Variants in RUFY1 observed in about 807,000 individuals in gnomAD.
RUFY1 encodes the protein RUN and FYVE domain containing 1.
In RUFY1, 54 loss-of-function variants were observed where a neutral mutation model predicts 94.6. That is an observed-to-expected ratio of 0.57 (90% CI 0.46 to 0.72). The LOEUF (loss-of-function observed/expected upper bound fraction) is 0.72. Ranked by LOEUF, RUFY1 falls within the 30% of genes least tolerant of loss-of-function variation. RUFY1 has a pLI of 0.00. For missense variants in RUFY1, 883 were observed against 883.9 expected (o/e 1.00, Z 0.01); for synonymous variants, 396 against 347.3 (o/e 1.14, Z -1.56).
intron 8 of RUFY1, chr5:179,589,251 T>C: frequency 2.9e-6 from 1 of 341,150 alleles, no homozygotes; most frequent in South Asian, 3.2e-5. Flanking sequence ...TTTCTAATTT[T>C]TTGTGTCTAT....
chr5:179,588,046 G>T (rs1764753229), intron 8 of RUFY1, among the ~76,000 whole-genome samples: 1 of 152,148 alleles, frequency 6.6e-6, no homozygotes, highest in Non-Finnish European at 1.5e-5. Flanking sequence ...CCTCTTCAGG[G>T]TGTGCTCTCT....
chr5:179,593,824 G>C (rs912985394), intron 11 of RUFY1, among the ~76,000 whole-genome samples, 179 bp downstream of exon 11: 2 of 152,208 alleles, frequency 1.3e-5, no homozygotes, highest in African/African-American at 4.8e-5. Context: ...GGGGGGAAAT[G>C]TAAGTGACAA....
chr5:179,580,235 G>GTATA (rs1483008914), intron 6 of RUFY1, among the ~76,000 whole-genome samples: 14 of 53,424 alleles, frequency 2.6e-4, no homozygotes, highest in Admixed American at 2.1e-3. Context: ...GTGTGTGTGT[G>GTATA]TGTGTGTATA....
At chr5:179,589,199 A>G (rs1056805594) in intron 8 of RUFY1, among the ~76,000 whole-genome samples, 1 of 152,082 alleles carries the variant, frequency 6.6e-6, no homozygotes, top group Non-Finnish European at 1.5e-5. Flanking sequence ...TTATGCTTCC[A>G]CTATGATGTA....
At chr5:179,593,208 G>C (rs1765255748) in intron 10 of RUFY1, among the ~76,000 whole-genome samples, 1 of 152,184 alleles carries the variant, frequency 6.6e-6, no homozygotes, top group African/African-American at 2.4e-5. Context: ...CCTGAGAGTA[G>C]CTGGGATTAC....
intron 10 of RUFY1, 126 bp downstream of exon 10, chr5:179,591,867 A>AT (rs1765138491): frequency 1.8e-6 from 1 of 564,928 alleles, no homozygotes; most frequent in African/African-American, 1.9e-5. Flanking sequence ...TCATTAAAAA[A>AT]ATTTTTTTTA....
At position 179,596,651 on chromosome 5, in the gene RUFY1, A is replaced by G; in HGVS notation, c.1601A>G (p.Gln534Arg). 6.2e-7 allele frequency: 1 copy of G among 1,608,958 alleles called. No homozygotes were observed. Among genetic ancestry groups the G allele is most frequent in the East Asian group, 2.2e-5 (1 of 44,848 alleles). The change falls in exon 13 of 18, where the codon CAG (glutamine) becomes CGG (arginine). Residue 534 changes from glutamine (Q) to arginine (R), a missense_variant. Transcript: ENST00000319449. ...QELGGRIGAL[Q>R]LQLSQLHEQC... Reference sequence around the variant, plus strand: ...CTGGGCGGGAGGATCGGCGCCCTGCAGCTGCAGCTCTCCCAGCTGCACGAG... The same window carrying G: ...CTGGGCGGGAGGATCGGCGCCCTGCGGCTGCAGCTCTCCCAGCTGCACGAG...
chr5:179,555,902 A>T (rs1352044595), intron 1 of RUFY1: 1 of 215,852 alleles, frequency 4.6e-6, no homozygotes, highest in Admixed American at 5.6e-5. Context: ...CTGGTCTCAA[A>T]CTCCTGACCT....
intron 15 of RUFY1, among the ~76,000 whole-genome samples, chr5:179,604,784 C>T (rs1451275822): frequency 1.3e-5 from 2 of 151,818 alleles, no homozygotes; most frequent in South Asian, 2.1e-4. Context: ...GAGTTCAAGA[C>T]CAGCCAGGCC....
At chr5:179,576,663 C>T (rs1763635971) in intron 5 of RUFY1, among the ~76,000 whole-genome samples, 1 of 152,166 alleles carries the variant, frequency 6.6e-6, no homozygotes, top group African/African-American at 2.4e-5. Context: ...TCAGGCAATC[C>T]ACCAGCCTCG....
chr5:179,591,771 AAG>A, intron 10 of RUFY1, 30 bp downstream of exon 10: 6 of 1,294,850 alleles, frequency 4.6e-6, no homozygotes, highest in African/African-American at 1.5e-5. Context: ...TGTCTTTAGA[AAG>A]AGTTTCCCCG....
Position 179,560,080 on chromosome 5 carries a change from C to G in RUFY1, c.366C>G (p.Leu122=). 1 of 1,614,056 alleles carries G rather than the reference C, an allele frequency of 6.2e-7. No individual in the cohort carries two copies. Among genetic ancestry groups the G allele is most frequent in the Non-Finnish European group, 8.5e-7 (1 of 1,180,012 alleles). The change falls in exon 2 of 18, where the codon CTC becomes CTG. Residue 122 remains leucine (L), a synonymous_variant. Coordinates refer to ENST00000319449, the MANE Select transcript of RUFY1 (RefSeq NM_025158.5). ...CCAACCTGATGCACATGATGAAACT[C>G]AGCATCAAGGTGTTGCTCCAGTCGG... ...ERANLMHMMK[L]SIKVLLQSAL... is the part of the protein sequence containing the mutation.
intron 6 of RUFY1, among the ~76,000 whole-genome samples, chr5:179,579,657 C>CTTCTTTTT (rs1433456916): frequency 5.9e-4 from 30 of 50,548 alleles, no homozygotes; most frequent in African/African-American, 9.2e-4. Context: ...TTTTCTTCTT[C>CTTCTTTTT]TTTTTTTTTT....
chr5:179,602,053 C>A lies in RUFY1; in HGVS notation c.1856+67C>A. 6 of 1,275,584 alleles carry A rather than the reference C, an allele frequency of 4.7e-6. No homozygotes were observed. The South Asian group carries it at 4.8e-5, about 10-fold the overall frequency. 79.0% of individuals were successfully genotyped at this position (1,275,584 alleles called of 1,614,324 possible). A position where few individuals can be genotyped will look rare whatever the true frequency, so the allele number is the denominator to read the frequency against. Reference sequence around the variant, plus strand: ...AGGCTACCCACCACATCCCTCAGGCCCCAAACCTACCTCCTTTTGGCGAAC... The same window carrying A: ...AGGCTACCCACCACATCCCTCAGGCACCAAACCTACCTCCTTTTGGCGAAC... On this transcript the variant is annotated intron_variant, in intron 15 of 17. Transcript: ENST00000319449.
chr5:179,607,299 G>C lies in RUFY1; in HGVS notation c.1906-283G>C, dbSNP rs533684981. 8.5e-6 allele frequency: 4 copies of C among 468,326 alleles called. No homozygotes were observed. The Admixed American group carries it at 1.1e-4, about 13-fold the overall frequency. 29.0% of individuals were successfully genotyped at this position (468,326 alleles called of 1,614,324 possible). A position where few individuals can be genotyped will look rare whatever the true frequency, so the allele number is the denominator to read the frequency against. On this transcript the variant is annotated intron_variant, in intron 16 of 17. Coordinates refer to ENST00000319449, the MANE Select transcript of RUFY1 (RefSeq NM_025158.5). ...GCCAAAGGGAACTGATTGAAAGTGGGAGTGTGCCTGAGTGAGCAGATGCTG... is the reference window on the plus strand; with the variant it reads ...GCCAAAGGGAACTGATTGAAAGTGGCAGTGTGCCTGAGTGAGCAGATGCTG...
At chr5:179,592,684 A>G (rs1341438073) in intron 10 of RUFY1, among the ~76,000 whole-genome samples, 8 of 152,216 alleles carry the variant, frequency 5.3e-5, no homozygotes, top group Non-Finnish European at 8.8e-5. Flanking sequence ...AGTTACTTGT[A>G]AACACTGTTC....
chr5:179,566,791 C>T (rs1397827942), intron 3 of RUFY1, among the ~76,000 whole-genome samples: 3 of 152,122 alleles, frequency 2.0e-5, no homozygotes, highest in African/African-American at 7.2e-5. Flanking sequence ...TGCAGTGGCT[C>T]ATGCCTGTAA....
chr5:179,607,098 G>C (rs1008136971), intron 16 of RUFY1: 3 of 170,720 alleles, frequency 1.8e-5, no homozygotes, highest in African/African-American at 7.2e-5. Flanking sequence ...CCTGTGGGAC[G>C]CAGTGCCCGC....
chr5:179,579,096 C>T (rs543829667), intron 6 of RUFY1, among the ~76,000 whole-genome samples: 1 of 152,224 alleles, frequency 6.6e-6, no homozygotes, highest in African/African-American at 2.4e-5. Flanking sequence ...ACCTTGGGAT[C>T]GCGTTTGAAT....
Sources: allele counts gnomAD v4.1 joint callset (sites outside exome capture counted in the v4.1 genomes callset), GRCh38; gene constraint gnomAD v4.1.1; transcripts MANE v1.5; gene names NCBI Gene and HGNC (gene_info 2026-07-23, HGNC 2026-07-21).